UBE2E2: variants seen among roughly 807,000 people sequenced by gnomAD.
UBE2E2 encodes the protein ubiquitin conjugating enzyme E2 E2.
A neutral mutation model predicts 24.7 loss-of-function variants in UBE2E2; 6 were observed. That is an observed-to-expected ratio of 0.24 (90% CI 0.13 to 0.48). The LOEUF is 0.48. Among genes scored for constraint, UBE2E2 ranks in the 20% least tolerant of loss-of-function variants. The pLI, the probability that UBE2E2 is intolerant of heterozygous loss-of-function variation, is 0.99. For synonymous variants in UBE2E2, 104 were observed against 83.6 expected (o/e 1.24, Z -1.33); for missense variants, 169 against 245.0 (o/e 0.69, Z 2.07).
intron 3 of UBE2E2, among the ~76,000 whole-genome samples, chr3:23,324,008 C>T (rs1286792836): frequency 6.6e-6 from 1 of 152,112 alleles, no homozygotes; most frequent in Non-Finnish European, 1.5e-5. Flanking sequence ...ACAAATGGTA[C>T]ATGCTTGATG....
intron 3 of UBE2E2, among the ~76,000 whole-genome samples, chr3:23,393,219 A>T (rs1231411813): frequency 2.0e-5 from 3 of 152,196 alleles, no homozygotes; most frequent in Non-Finnish European, 4.4e-5. Context: ...TTAGGGGATA[A>T]AATAGACATG....
At chr3:23,297,402 G>A (rs1422162366) in intron 3 of UBE2E2, among the ~76,000 whole-genome samples, 1 of 151,756 alleles carries the variant, frequency 6.6e-6, no homozygotes, top group Non-Finnish European at 1.5e-5. Context: ...TGTCCTGAAT[G>A]GTATTGCCTA....
chr3:23,467,293 G>A (rs1482543360), intron 3 of UBE2E2, among the ~76,000 whole-genome samples: 1 of 152,178 alleles, frequency 6.6e-6, no homozygotes, highest in Non-Finnish European at 1.5e-5. Flanking sequence ...CTTTGTGGTT[G>A]TGTTTGAAAA....
At chr3:23,502,313 C>CT in intron 4 of UBE2E2, among the ~76,000 whole-genome samples, 1 of 151,376 alleles carries the variant, frequency 6.6e-6, no homozygotes, top group Non-Finnish European at 1.5e-5. Context: ...ACCAGGGAAG[C>CT]AGTGGGTGTC....
intron 5 of UBE2E2, among the ~76,000 whole-genome samples, chr3:23,535,450 T>C (rs1345590261): frequency 2.6e-5 from 4 of 152,004 alleles, no homozygotes; most frequent in African/African-American, 9.7e-5. Flanking sequence ...GAACCTTGAC[T>C]TAGTAGGATT....
chr3:23,249,877 C>A (rs931527106), intron 3 of UBE2E2, among the ~76,000 whole-genome samples: 3 of 152,060 alleles, frequency 2.0e-5, no homozygotes, highest in Non-Finnish European at 4.4e-5. Context: ...AGGATAGTCT[C>A]GATCTCCTGA....
At chr3:23,476,578 C>G (rs1699143362) in intron 3 of UBE2E2, among the ~76,000 whole-genome samples, 1 of 152,004 alleles carries the variant, frequency 6.6e-6, no homozygotes, top group Non-Finnish European at 1.5e-5. Flanking sequence ...GCCTGCGGTC[C>G]CAGCTATTCA....
At chr3:23,208,492 A>G (rs367690968) in intron 1 of UBE2E2, among the ~76,000 whole-genome samples, 200 bp from the exon 2 acceptor site, 10 of 152,260 alleles carry the variant, frequency 6.6e-5, no homozygotes, top group African/African-American at 1.9e-4. Flanking sequence ...TAAATTTTGT[A>G]TGTTTTCATT....
intron 3 of UBE2E2, among the ~76,000 whole-genome samples, chr3:23,361,859 C>G (rs1471330230): frequency 1.3e-5 from 2 of 152,156 alleles, no homozygotes; most frequent in Non-Finnish European, 2.9e-5. Flanking sequence ...ATTGGATATT[C>G]TTTAGCCATA....
intron 3 of UBE2E2, among the ~76,000 whole-genome samples, chr3:23,435,499 A>G (rs1253168655): frequency 1.3e-5 from 2 of 152,332 alleles, no homozygotes; most frequent in East Asian, 3.9e-4. Flanking sequence ...TGAACACGTC[A>G]GTTGGGCTCA....
At chr3:23,523,814 T>G (rs563919138) in intron 4 of UBE2E2, among the ~76,000 whole-genome samples, 1 of 121,848 alleles carries the variant, frequency 8.2e-6, no homozygotes, top group African/African-American at 4.3e-5. Context: ...ACTTGAAATC[T>G]CAAAGAGGGG....
intron 4 of UBE2E2, among the ~76,000 whole-genome samples, chr3:23,529,342 T>G (rs1354083448): frequency 1.3e-5 from 2 of 152,246 alleles, no homozygotes; most frequent in African/African-American, 4.8e-5. Flanking sequence ...GTCAGTTTCC[T>G]GCAGTATACT....
chr3:23,416,868 C>T (rs941319160), intron 3 of UBE2E2, among the ~76,000 whole-genome samples: 1 of 152,048 alleles, frequency 6.6e-6, no homozygotes, highest in South Asian at 2.1e-4. Flanking sequence ...GTATGCTCCA[C>T]GAAGTTCTTG....
intron 3 of UBE2E2, among the ~76,000 whole-genome samples, chr3:23,251,488 C>T (rs1204307338): frequency 1.3e-5 from 2 of 152,130 alleles, no homozygotes; most frequent in African/African-American, 2.4e-5. Flanking sequence ...AAAGAGCAGC[C>T]TCTCTGTAAT....
At chr3:23,550,319 A>G (rs960267189) in intron 5 of UBE2E2, among the ~76,000 whole-genome samples, 9 of 152,122 alleles carry the variant, frequency 5.9e-5, no homozygotes, top group Non-Finnish European at 2.9e-5. Flanking sequence ...GTATTCCCCT[A>G]TGCAACCCCA....
chr3:23,373,736 T>C (rs1310537807), intron 3 of UBE2E2, among the ~76,000 whole-genome samples: 1 of 152,132 alleles, frequency 6.6e-6, no homozygotes, highest in African/African-American at 2.4e-5. Context: ...ACTGGATGTA[T>C]GTCACCATCC....
chr3:23,338,448 A>T (rs868392023), intron 3 of UBE2E2, among the ~76,000 whole-genome samples: 9 of 152,194 alleles, frequency 5.9e-5, no homozygotes, highest in South Asian at 4.1e-4. Context: ...GTATGTGTAC[A>T]TGTATGCCTT....
chr3:23,271,999 G>C (rs1698256403), intron 3 of UBE2E2, among the ~76,000 whole-genome samples: 1 of 152,194 alleles, frequency 6.6e-6, no homozygotes, highest in South Asian at 2.1e-4. Context: ...GCCGTGGGTG[G>C]AGCTGCCCAC....
At chr3:23,409,594 C>T (rs1327417780) in intron 3 of UBE2E2, among the ~76,000 whole-genome samples, 2 of 152,126 alleles carry the variant, frequency 1.3e-5, no homozygotes, top group African/African-American at 2.4e-5. Flanking sequence ...ATTCTTTGTA[C>T]TATTACTGAT....
Sources: allele counts gnomAD v4.1 joint callset (sites outside exome capture counted in the v4.1 genomes callset), GRCh38; gene constraint gnomAD v4.1.1; transcripts MANE v1.5; gene names NCBI Gene and HGNC (gene_info 2026-07-23, HGNC 2026-07-21).